COL5A1: variants seen among roughly 807,000 people sequenced by gnomAD.
COL5A1 encodes collagen type V alpha 1 chain, also known as collagen alpha-1(V) chain.
COL5A1 carries 16 observed loss-of-function variants against 263.7 expected under a neutral mutation model. The observed-to-expected ratio is 0.06, with a 90% confidence interval of 0.04 to 0.09. The LOEUF (loss-of-function observed/expected upper bound fraction) is 0.09. COL5A1 is among the 10% of genes least tolerant of loss of function. The pLI, the probability that COL5A1 is intolerant of heterozygous loss-of-function variation, is 1.00. For synonymous variants in COL5A1, 1,012 were observed against 1,004.5 expected, an observed-to-expected ratio of 1.01 and a Z score of -0.14; for missense variants, 2,036 against 2,540.5, an observed-to-expected ratio of 0.80 and a Z score of 4.27.
intron 39 of COL5A1, among the ~76,000 whole-genome samples, chr9:134,803,946 C>T (rs1406139594): frequency 6.6e-6 from 1 of 152,170 alleles, no homozygotes; most frequent in African/African-American, 2.4e-5. Context: ...GCTCCAACTG[C>T]CCCCTTTTCA....
intron 65 of COL5A1, among the ~76,000 whole-genome samples, chr9:134,838,137 A>G (rs986034366): frequency 6.6e-6 from 1 of 152,158 alleles, no homozygotes; most frequent in Admixed American, 6.6e-5. Context: ...ACCGGGTTCA[A>G]GAGCAGTTTC....
chr9:134,717,530 C>A (rs767716616), intron 4 of COL5A1, among the ~76,000 whole-genome samples: 4 of 152,200 alleles, frequency 2.6e-5, no homozygotes, highest in Non-Finnish European at 5.9e-5. Context: ...TAGCGCTGCC[C>A]GTGGCTCTCC....
chr9:134,714,657 A>T (rs1247748815), intron 4 of COL5A1, among the ~76,000 whole-genome samples: 1 of 35,274 alleles, frequency 2.8e-5, no homozygotes, highest in African/African-American at 1.2e-4. Flanking sequence ...GTGGTGGTGG[A>T]GGCGATGATA....
chr9:134,673,202 A>G (rs1400132606), intron 1 of COL5A1, among the ~76,000 whole-genome samples: 1 of 152,232 alleles, frequency 6.6e-6, no homozygotes, highest in Non-Finnish European at 1.5e-5. Flanking sequence ...AGGACCTAAT[A>G]TAACCAAAAC....
At chr9:134,651,858 A>AT (rs1325783602) in intron 1 of COL5A1, among the ~76,000 whole-genome samples, 3 of 152,186 alleles carry the variant, frequency 2.0e-5, no homozygotes, top group Admixed American at 6.5e-5. Context: ...TCTTCCCTTG[A>AT]TTTTTTGTTT....
intron 63 of COL5A1, 133 bp from the exon 64 acceptor site, chr9:134,829,843 C>G: frequency 1.0e-6 from 1 of 973,824 alleles, no homozygotes; most frequent in Admixed American, 2.2e-5. Context: ...CTCGGTGGGT[C>G]CTCCCTGCAG....
intron 4 of COL5A1, among the ~76,000 whole-genome samples, chr9:134,702,159 G>A (rs77327160): frequency 0.014 from 2,078 of 152,278 alleles, 43 homozygotes; most frequent in African/African-American, 0.047. Flanking sequence ...TGCCTCCGCG[G>A]CTTGGGTTAG....
chr9:134,774,943 C>T (rs1837000121), intron 27 of COL5A1, 31 bp downstream of exon 27: 2 of 1,607,588 alleles, frequency 1.2e-6, no homozygotes, highest in South Asian at 1.1e-5. Context: ...TCCAGGTCGT[C>T]CTGGAGGTCA....
chr9:134,745,752 A>G (rs942578404), intron 11 of COL5A1, among the ~76,000 whole-genome samples: 4 of 152,186 alleles, frequency 2.6e-5, no homozygotes, highest in African/African-American at 7.2e-5. Context: ...TTAAAGCAAC[A>G]GGAATGTCTT....
rs1221312286 is a variant in COL5A1 at position 134,786,019 on chromosome 9, C to T, written c.2617C>T (p.Pro873Ser). Residue 873 changes from proline to serine, a missense_variant, in exon 31 of 66, where the codon CCA (proline) becomes TCA (serine). By Grantham distance (74) the Pro-to-Ser change is moderately conservative. Transcript: ENST00000371817. ...EKGKLGVPGL[P>S]GYPGRQGPKG... ...GGGAAAACTCGGAGTCCCAGGGTTA[C>T]CAGGGTATCCAGGAAGACAAGGACC... 1 of 1,613,218 alleles carries T rather than the reference C, an allele frequency of 6.2e-7. No homozygotes were observed. The highest frequency in any genetic ancestry group is 2.2e-5 in the East Asian group (1 of 44,878).
chr9:134,760,932 C>T (rs1249911363), intron 18 of COL5A1, among the ~76,000 whole-genome samples: 2 of 150,572 alleles, frequency 1.3e-5, no homozygotes, highest in African/African-American at 4.9e-5. Context: ...TACACACATG[C>T]ACACACATGC....
rs1183362570 is a variant in COL5A1 at position 134,716,455 on chromosome 9, A to C, written c.655-10811A>C. 1.3e-5 allele frequency among the ~76,000 whole-genome samples: 2 copies of C among 151,982 alleles called. No individual in the cohort carries two copies. Among genetic ancestry groups the C allele is most frequent in the Admixed American group, 1.3e-4 (2 of 15,284 alleles). The stretch of plus-strand genomic sequence containing the variant: ...GTGTCTGCAGGCCCGCTGCTCCGAA[A>C]GTCAAGATGTGGAGAAGGAGCAGCT... On this transcript the variant is annotated intron_variant, in intron 4 of 65. Coordinates refer to ENST00000371817, the MANE Select transcript of COL5A1 (RefSeq NM_000093.5). The surrounding 1 kb of genome is among the most constrained non-coding windows in gnomAD (Gnocchi z 4.5).
At chr9:134,752,537 C>A in intron 13 of COL5A1, 52 bp from the exon 14 acceptor site, 1 of 1,428,754 alleles carries the variant, frequency 7.0e-7, no homozygotes, top group Non-Finnish European at 9.9e-7. Context: ...GCCAGCAAAC[C>A]GGAGCACTGC....
chr9:134,812,345 CG>C, intron 46 of COL5A1, 103 bp from the exon 47 acceptor site: 2 of 1,221,068 alleles, frequency 1.6e-6, no homozygotes, highest in Non-Finnish European at 2.4e-6. Flanking sequence ...CCCGGGGCTT[CG>C]GGGGCTCAGT....
Position 134,755,013 on chromosome 9 carries a change from A to G in COL5A1, c.1827+687A>G, listed in dbSNP as rs1031127295. On this transcript the variant is annotated intron_variant, in intron 16 of 65. Coordinates refer to ENST00000371817, the MANE Select transcript of COL5A1 (RefSeq NM_000093.5). This position sits in a 1 kb window ranked among gnomAD's most constrained non-coding sequence, Gnocchi z 4.1. ...TCTACCTAAGCTACCCTTGACTGCT[A>G]TAGTCTGAGTCAACAAGGCAAAAAT... 4.6e-5 allele frequency among the ~76,000 whole-genome samples: 7 copies of G among 152,190 alleles called. No homozygotes were observed. Among genetic ancestry groups the G allele is most frequent in the Non-Finnish European group, 1.0e-4 (7 of 68,050 alleles).
intron 11 of COL5A1, among the ~76,000 whole-genome samples, chr9:134,740,745 C>A (rs1157378625): frequency 2.0e-5 from 3 of 152,284 alleles, no homozygotes. Flanking sequence ...TTGGGAGTCA[C>A]TGGTGGGTGG....
At chr9:134,657,563 GTGTA>G (rs1832053205) in intron 1 of COL5A1, among the ~76,000 whole-genome samples, 1 of 115,384 alleles carries the variant, frequency 8.7e-6, no homozygotes, top group Non-Finnish European at 1.8e-5. Flanking sequence ...TATGGGGGTG[GTGTA>G]GGGGGTGTAG....
rs559526669 is a variant in COL5A1 at position 134,760,266 on chromosome 9, TACAC to T, written c.1936-1655_1936-1652del. 1.1e-3 allele frequency among the ~76,000 whole-genome samples: 73 copies of T among 68,930 alleles called. 1 individual carries two copies. Among genetic ancestry groups the T allele is most frequent in the African/African-American group, 3.4e-3 (59 of 17,476 alleles). 45.2% of individuals were successfully genotyped at this position (68,930 alleles called of 152,430 possible). ...TACACACCCACACACCCCACACTGA[TACAC>T]ACATGCACACACGCACACACCCCCA... is the stretch of plus-strand genomic sequence containing the variant. On this transcript the variant is annotated intron_variant, in intron 18 of 65. Transcript: ENST00000371817.
chr9:134,811,517 G>T lies in COL5A1; in HGVS notation c.3608G>T (p.Arg1203Leu). The change falls in exon 46 of 66, where the codon CGG (arginine) becomes CTG (leucine). Residue 1203 changes from arginine (R) to leucine (L), a missense_variant. By Grantham distance (102) the Arg-to-Leu change is moderately radical. Around this residue, in one of 3 missense-constraint regions of COL5A1, gnomAD observed 1,078 missense variants for 1,521.4 expected, o/e 0.71. Coordinates refer to ENST00000371817, the MANE Select transcript of COL5A1 (RefSeq NM_000093.5). The part of the protein sequence containing the change: ...PSGADGEPGP[R>L]GQQGLFGQKG... The stretch of plus-strand genomic sequence containing the variant: ...GGAGCTGACGGCGAGCCGGGGCCTC[G>T]GGGCCAGCAGGGCCTTTTCGGGCAG... The T allele has an allele frequency of 5.6e-6, 9 of 1,607,834 alleles. No homozygotes were observed. The highest frequency in any genetic ancestry group is 7.6e-6 in the Non-Finnish European group (9 of 1,176,892).
Sources: gnomAD v4.1 joint callset for allele counts (sites outside exome capture counted in the v4.1 genomes callset) on GRCh38, gnomAD v4.1.1 for gene constraint, gnomAD v4.1.1 regional missense constraint, Gnocchi (gnomAD v3.1) non-coding constraint, MANE v1.5 for transcripts, NCBI Gene and HGNC (gene_info 2026-07-23, HGNC 2026-07-21) for gene names.